CFAP20DC: variants seen among roughly 807,000 people sequenced by gnomAD.
CFAP20DC encodes protein CFAP20DC.
A neutral mutation model predicts 101.7 loss-of-function variants in CFAP20DC; 84 were observed. The ratio of observed to expected loss-of-function variants is 0.83; its 90% confidence interval spans 0.69 to 0.99. The LOEUF (loss-of-function observed/expected upper bound fraction) is 0.99, where lower values mean the gene tolerates loss of function less well. CFAP20DC is among the 50% of genes least tolerant of loss of function. CFAP20DC has a pLI of 0.00. For synonymous variants in CFAP20DC, 359 were observed against 351.2 expected, an observed-to-expected ratio of 1.02 and a Z score of -0.25; for missense variants, 1,007 against 970.3, an observed-to-expected ratio of 1.04 and a Z score of -0.50.
At chr3:58,909,976 C>G (rs2083983026) in intron 6 of CFAP20DC, among the ~76,000 whole-genome samples, 1 of 152,156 alleles carries the variant, frequency 6.6e-6, no homozygotes. Context: ...TGAGTGAGAA[C>G]ATGCAGTGTT....
chr3:58,925,984 A>G (rs2085921400), intron 5 of CFAP20DC, among the ~76,000 whole-genome samples: 1 of 152,252 alleles, frequency 6.6e-6, no homozygotes, highest in East Asian at 1.9e-4. Flanking sequence ...GGACCAGCAT[A>G]AGAAGGCATA....
intron 4 of CFAP20DC, among the ~76,000 whole-genome samples, chr3:59,034,045 T>C (rs2094047585): frequency 6.6e-6 from 1 of 152,124 alleles, no homozygotes; most frequent in Non-Finnish European, 1.5e-5. Context: ...GGGCCAATAT[T>C]CAATATTCTT....
At chr3:58,730,016 T>TC (rs1295851401) in intron 3 of CFAP20DC, among the ~76,000 whole-genome samples, 3 of 93,850 alleles carry the variant, frequency 3.2e-5, no homozygotes, top group African/African-American at 1.5e-4. Flanking sequence ...GAAACCTGTC[T>TC]CCAAAAAAAA....
intron 14 of CFAP20DC, among the ~76,000 whole-genome samples, chr3:58,811,073 C>T (rs9868617): frequency 6.6e-6 from 1 of 152,008 alleles, no homozygotes; most frequent in Non-Finnish European, 1.5e-5. Flanking sequence ...ACAAATGGAA[C>T]AACATTCCAT....
At chr3:58,719,297 C>T (rs943281413) in intron 3 of CFAP20DC, among the ~76,000 whole-genome samples, 6 of 152,098 alleles carry the variant, frequency 3.9e-5, no homozygotes, top group Non-Finnish European at 7.4e-5. Flanking sequence ...GCTTACTTTG[C>T]CATGGGCCCC....
At position 58,861,090 on chromosome 3, in the gene CFAP20DC, G is replaced by A. The variant is rs889147537; in HGVS notation, c.1593+2468C>T. ...TAGCAACTTCAATTACAATGACAATGTATTGCTGAAAGCTAATTTTAATTA... is the reference window on the plus strand; with the variant it reads ...TAGCAACTTCAATTACAATGACAATATATTGCTGAAAGCTAATTTTAATTA... On this transcript the variant is annotated intron_variant, in intron 12 of 16. Coordinates refer to ENST00000482387, the MANE Select transcript of CFAP20DC (RefSeq NM_001394063.1). The surrounding 1 kb of genome is among the most constrained non-coding windows in gnomAD (Gnocchi z 4.0). 6.6e-6 allele frequency: 1 copy of A among 152,580 alleles called. No homozygotes were observed. Among genetic ancestry groups the A allele is most frequent in the South Asian group, 2.1e-4 (1 of 4,838 alleles). The allele number at this position is 152,580 out of a possible 1,614,324, so 9.5% of individuals were successfully genotyped here.
chr3:58,921,200 A>C (rs1274838905), intron 5 of CFAP20DC, among the ~76,000 whole-genome samples: 2 of 151,988 alleles, frequency 1.3e-5, no homozygotes, highest in African/African-American at 4.8e-5. Context: ...TCAAAGAACC[A>C]ATTTTTGGTT....
At chr3:58,787,201 A>G (rs1317838925) in intron 15 of CFAP20DC, among the ~76,000 whole-genome samples, 2 of 151,972 alleles carry the variant, frequency 1.3e-5, no homozygotes, top group Admixed American at 1.3e-4. Context: ...GATTTCATAA[A>G]AACTCCAATT....
At chr3:58,926,178 C>T (rs2085945920) in intron 5 of CFAP20DC, among the ~76,000 whole-genome samples, 1 of 151,878 alleles carries the variant, frequency 6.6e-6, no homozygotes, top group Non-Finnish European at 1.5e-5. Flanking sequence ...CCAGCCTGCC[C>T]AACATGGTGA....
Position 59,046,259 on chromosome 3 carries a change from TTTTG to T in CFAP20DC, c.171_174del (p.Asn57LysfsTer14), listed in dbSNP as rs1284405666. On this transcript the variant is annotated frameshift_variant, in exon 3 of 17. Transcript: ENST00000482387. LOFTEE classifies it high-confidence loss of function. ...TGCTTATTCTCCTTTGGTAACTGAA[TTTTG>T]TTTGTTTGGCTGCTGCCTTCCAGGA... 3 of 1,532,794 alleles carry T rather than the reference TTTTG, an allele frequency of 2.0e-6. No homozygotes were observed. The highest frequency in any genetic ancestry group is 2.6e-6 in the Non-Finnish European group (3 of 1,145,652). The allele number at this position is 1,532,794 out of a possible 1,614,324, so 94.9% of individuals were successfully genotyped here.
Position 58,840,287 on chromosome 3 carries a change from G to A in CFAP20DC, c.1972-8398C>T, listed in dbSNP as rs141274565. 1.6e-3 allele frequency among the ~76,000 whole-genome samples: 248 copies of A among 152,280 alleles called. 3 individuals carry two copies. The highest frequency in any genetic ancestry group is 1.0e-4 in the Non-Finnish European group (7 of 68,018). On this transcript the variant is annotated intron_variant, in intron 13 of 16. Transcript: ENST00000482387. ...TGTTTTCCAAAAGCTATTGGTAGGA[G>A]TGTCCCACTTAGTAAAGGAAACATT...
chr3:58,893,352 G>A (rs1018840630), intron 6 of CFAP20DC, among the ~76,000 whole-genome samples: 16 of 152,282 alleles, frequency 1.1e-4, no homozygotes, highest in Non-Finnish European at 1.5e-4. Context: ...CCAAAGGAAC[G>A]TTGAATTTTA....
intron 15 of CFAP20DC, among the ~76,000 whole-genome samples, chr3:58,761,117 C>T (rs1448484140): frequency 1.3e-5 from 2 of 152,128 alleles, no homozygotes; most frequent in African/African-American, 2.4e-5. Context: ...ATGGTAGCAG[C>T]TCCTCCTTGT....
intron 6 of CFAP20DC, among the ~76,000 whole-genome samples, chr3:58,909,817 T>C (rs2083965063): frequency 6.6e-6 from 1 of 152,178 alleles, no homozygotes. Context: ...GTTGCATCTA[T>C]CAACTCATCA....
intron 15 of CFAP20DC, among the ~76,000 whole-genome samples, chr3:58,762,281 C>T (rs1179434366): frequency 1.3e-5 from 2 of 152,160 alleles, no homozygotes; most frequent in Non-Finnish European, 2.9e-5. Flanking sequence ...GATCCCTTTA[C>T]CATTATGTAA....
At chr3:58,906,894 A>G (rs1023671419) in intron 6 of CFAP20DC, among the ~76,000 whole-genome samples, 2 of 152,210 alleles carry the variant, frequency 1.3e-5, no homozygotes, top group Non-Finnish European at 2.9e-5. Flanking sequence ...ACGCCACTGC[A>G]CTACAGCCTG....
At chr3:58,750,863 AGAGCCACG>A (rs2068515349) in intron 16 of CFAP20DC, among the ~76,000 whole-genome samples, 1 of 152,222 alleles carries the variant, frequency 6.6e-6, no homozygotes, top group Admixed American at 6.5e-5. Context: ...ATAAAGTTTA[AGAGCCACG>A]GCATAAGGTG....
chr3:58,936,115 A>G (rs1371627532), intron 5 of CFAP20DC, among the ~76,000 whole-genome samples: 21 of 152,308 alleles, frequency 1.4e-4, no homozygotes, highest in Non-Finnish European at 2.8e-4. Context: ...TGGGCGAAGG[A>G]CATGAACAGA....
At chr3:58,977,553 C>T (rs542270205) in intron 4 of CFAP20DC, among the ~76,000 whole-genome samples, 1 of 152,170 alleles carries the variant, frequency 6.6e-6, no homozygotes, top group South Asian at 2.1e-4. Flanking sequence ...ATCTGACAGG[C>T]AAATACTGGC....
Sources: allele counts gnomAD v4.1 joint callset (sites outside exome capture counted in the v4.1 genomes callset), GRCh38; gene constraint gnomAD v4.1.1; non-coding constraint Gnocchi (gnomAD v3.1); transcripts MANE v1.5; gene names NCBI Gene and HGNC (gene_info 2026-07-23, HGNC 2026-07-21).